The following BAAT variants were observed in gnomAD, a reference collection of about 807,000 sequenced individuals.
BAAT encodes bile acid-CoA:amino acid N-acyltransferase.
A neutral mutation model predicts 18.9 loss-of-function variants in BAAT; 13 were observed. The observed-to-expected ratio is 0.69, with a 90% CI of 0.45 to 1.10. The LOEUF (loss-of-function observed/expected upper bound fraction) is 1.10. Among genes scored for constraint, BAAT ranks in the 50% least tolerant of loss-of-function variants. BAAT has a pLI of 0.00. For synonymous variants in BAAT, 170 were observed against 190.7 expected (o/e 0.89, Z 0.89); for missense variants, 489 against 504.0 (o/e 0.97, Z 0.28).
At chr9:101,374,463 T>G (rs1033451688) in intron 1 of BAAT, among the ~76,000 whole-genome samples, 3 of 152,192 alleles carry the variant, frequency 2.0e-5, no homozygotes, top group African/African-American at 7.2e-5. Context: ...GAACCAAGTT[T>G]CAGATATTTT....
chr9:101,384,723 G>C (rs1354121653), intron 1 of BAAT, among the ~76,000 whole-genome samples, 132 bp downstream of exon 1: 2 of 152,074 alleles, frequency 1.3e-5, no homozygotes, highest in African/African-American at 2.4e-5. Flanking sequence ...TGTATTTGCT[G>C]AACTAAAACT....
At chr9:101,380,806 T>G (rs994776497) in intron 1 of BAAT, among the ~76,000 whole-genome samples, 2 of 152,148 alleles carry the variant, frequency 1.3e-5, no homozygotes, top group Non-Finnish European at 2.9e-5. Context: ...CAGGCTGGAG[T>G]GCAGTGGTGC....
intron 1 of BAAT, among the ~76,000 whole-genome samples, chr9:101,379,424 T>A (rs1830097109): frequency 6.6e-6 from 1 of 152,218 alleles, no homozygotes; most frequent in African/African-American, 2.4e-5. Flanking sequence ...CTCAAGGCTT[T>A]AAAAAAATCT....
chr9:101,379,296 C>T (rs559857276), intron 1 of BAAT, among the ~76,000 whole-genome samples: 27 of 152,306 alleles, frequency 1.8e-4, no homozygotes, highest in African/African-American at 3.4e-4. Context: ...CCACCGCATC[C>T]GGCGAATGTC....
At chr9:101,382,112 G>A (rs1012465376) in intron 1 of BAAT, among the ~76,000 whole-genome samples, 2 of 152,136 alleles carry the variant, frequency 1.3e-5, no homozygotes, top group African/African-American at 2.4e-5. Flanking sequence ...GGCAGGAGAG[G>A]GTTGCCCCCA....
In BAAT at chr9:101,371,137, T is replaced by C; in HGVS notation, c.268A>G (p.Arg90Gly). The C allele has an allele frequency of 6.2e-7, 1 of 1,614,148 alleles. No homozygotes were observed. Among genetic ancestry groups the C allele is most frequent in the South Asian group, 1.1e-5 (1 of 91,082 alleles). ...TTCATCACATCTCTTTTCAACAGTC[T>C]TGTTAATAGCTTTTCAGGTTTCAGA... is the stretch of plus-strand genomic sequence containing the variant. ...WSLKPEKLLT[R>G]LLKRDVMNRP... Residue 90 changes from arginine to glycine, a missense_variant, in exon 2 of 4, where the codon AGA (arginine) becomes GGA (glycine). Coordinates refer to ENST00000259407, the MANE Select transcript of BAAT (RefSeq NM_001701.4).
intron 3 of BAAT, among the ~76,000 whole-genome samples, chr9:101,364,644 C>A (rs1362819352): frequency 1.3e-5 from 2 of 152,154 alleles, no homozygotes; most frequent in Admixed American, 1.3e-4. Context: ...AGTCATTCTT[C>A]ATTATTTTAA....
chr9:101,374,806 T>C (rs1008709582), intron 1 of BAAT, among the ~76,000 whole-genome samples: 3 of 152,180 alleles, frequency 2.0e-5, no homozygotes, highest in Admixed American at 6.5e-5. Flanking sequence ...TTCCCTGTTA[T>C]TGTCTCAGGG....
intron 3 of BAAT, among the ~76,000 whole-genome samples, chr9:101,366,489 GA>G (rs748426837): frequency 2.6e-5 from 4 of 152,028 alleles, no homozygotes; most frequent in East Asian, 1.9e-4. Flanking sequence ...AGAGTCTGGG[GA>G]AAAAAATCTG....
rs1045818587 is a variant in BAAT, at chr9:101,368,419, T to C, written c.467-97A>G. On this transcript the variant is annotated intron_variant, in intron 2 of 3. Coordinates refer to ENST00000259407, the MANE Select transcript of BAAT (RefSeq NM_001701.4). ...AGCAGAAATACAAATGATTAGATAATAAAAGATAAAATAAATAAATAAAAG... is the reference window on the plus strand; with the variant it reads ...AGCAGAAATACAAATGATTAGATAACAAAAGATAAAATAAATAAATAAAAG... The C allele has an allele frequency of 1.0e-5, 11 of 1,063,438 alleles. No individual in the cohort carries two copies. The Admixed American group carries it at 1.8e-4, about 17-fold the overall frequency. The allele number at this position is 1,063,438 out of a possible 1,614,324, so 65.9% of individuals were successfully genotyped here.
Position 101,361,387 on chromosome 9 carries a change from T to G in BAAT, c.*1041A>C, listed in dbSNP as rs41316534. 2,325 of 152,698 alleles carry G rather than the reference T, an allele frequency of 0.015. 36 individuals carry two copies. The highest frequency in any genetic ancestry group is 0.022 in the Non-Finnish European group (1,474 of 68,032). 9.5% of individuals were successfully genotyped at this position (152,698 alleles called of 1,614,324 possible). A position where few individuals can be genotyped will look rare whatever the true frequency, so the allele number is the denominator to read the frequency against. On this transcript the variant is annotated 3_prime_UTR_variant, in exon 4 of 4. Transcript: ENST00000259407. ...TGAGGACTATATGATCAAAGCCTTA[T>G]AGCAAAAAAAATTTTTTAATATTTG...
At chr9:101,384,495 G>A (rs1345768268) in intron 1 of BAAT, among the ~76,000 whole-genome samples, 1 of 152,166 alleles carries the variant, frequency 6.6e-6, no homozygotes, top group Non-Finnish European at 1.5e-5. Flanking sequence ...TCAGACTCAA[G>A]CCCTACTAAG....
chr9:101,361,698 AC>A lies in BAAT; in HGVS notation c.*729del. 6.5e-6 allele frequency: 1 copy of A among 152,688 alleles called. No homozygotes were observed. 9.5% of individuals were successfully genotyped at this position (152,688 alleles called of 1,614,324 possible). ...AGTTGTGTTTCTATTTTTATTTTTTACTTTTATTAATTTTATTTTTAATACA... is the reference window on the plus strand; with the variant it reads ...AGTTGTGTTTCTATTTTTATTTTTTATTTTATTAATTTTATTTTTAATACA... On this transcript the variant is annotated 3_prime_UTR_variant, in exon 4 of 4. Transcript: ENST00000259407.
At position 101,371,239 on chromosome 9, in the gene BAAT, C is replaced by T. The variant is rs766674160; in HGVS notation, c.166G>A (p.Gly56Ser). The change falls in exon 2 of 4, where the codon GGT becomes AGT. Residue 56 changes from glycine (G) to serine (S), a missense_variant. Physicochemically the swap from Gly to Ser is moderately conservative, Grantham distance 56 (BLOSUM62 0). Coordinates refer to ENST00000259407, the MANE Select transcript of BAAT (RefSeq NM_001701.4). Reference sequence around the variant, plus strand: ...GAAGCATGATTCAGGTCCACCTCACCGAATTCATTGGCCCTATAGTGGGCT... The same window carrying T: ...GAAGCATGATTCAGGTCCACCTCACTGAATTCATTGGCCCTATAGTGGGCT... The part of the protein sequence containing the change: ...SQAHYRANEF[G>S]EVDLNHASSL... 6.2e-6 allele frequency: 10 copies of T among 1,613,014 alleles called. No individual in the cohort carries two copies. The highest frequency in any genetic ancestry group is 5.3e-5 in the African/African-American group (4 of 74,866).
chr9:101,370,320 C>CG (rs1829910643), intron 2 of BAAT, among the ~76,000 whole-genome samples: 1 of 103,672 alleles, frequency 9.6e-6, no homozygotes, highest in South Asian at 3.5e-4. Flanking sequence ...ATGCATTATC[C>CG]TTTTTTTTTT....
At position 101,373,346 on chromosome 9, in the gene BAAT, G is replaced by A. The variant is rs560620664; in HGVS notation, c.-59-1883C>T. ...GATGAGTATCAAATAGCTGAGGAAA[G>A]ACTAGAATTTATTTTTAAATTCTGT... On this transcript the variant is annotated intron_variant, in intron 1 of 3. Transcript: ENST00000259407. 3.9e-5 allele frequency among the ~76,000 whole-genome samples: 6 copies of A among 152,286 alleles called. No homozygotes were observed. In the East Asian group the frequency reaches 1.2e-3, roughly 29 times the overall value.
rs1829937622 is a variant in BAAT at position 101,371,281 on chromosome 9, C to G, written c.124G>C (p.Asp42His). 10 of 1,613,102 alleles carry G rather than the reference C, an allele frequency of 6.2e-6. No homozygotes were observed. The highest frequency in any genetic ancestry group is 1.3e-5 in the African/African-American group (1 of 74,872). Reference sequence around the variant, plus strand: ...TAGTGGGCTTGAGAATAAAACATGTCTCCGTTTTCATCTTCCAGTGATGCC... The same window carrying G: ...TAGTGGGCTTGAGAATAAAACATGTGTCCGTTTTCATCTTCCAGTGATGCC... Reference protein sequence around the residue: ...FQASLEDENGDMFYSQAHYRA... With the variant: ...FQASLEDENGHMFYSQAHYRA... Residue 42 changes from aspartate to histidine, a missense_variant, in exon 2 of 4, where the codon GAC becomes CAC. Transcript: ENST00000259407.
intron 1 of BAAT, among the ~76,000 whole-genome samples, chr9:101,381,576 T>C (rs991636468): frequency 5.9e-5 from 9 of 152,074 alleles, no homozygotes; most frequent in African/African-American, 1.9e-4. Context: ...AGAAGACAGA[T>C]TGTCAAACTA....
At chr9:101,370,320 C>CCT (rs1829910643) in intron 2 of BAAT, among the ~76,000 whole-genome samples, 1 of 103,672 alleles carries the variant, frequency 9.6e-6, no homozygotes, top group East Asian at 2.5e-4. Flanking sequence ...ATGCATTATC[C>CCT]TTTTTTTTTT....
Sources: gnomAD v4.1 joint callset for allele counts (sites outside exome capture counted in the v4.1 genomes callset) on GRCh38, gnomAD v4.1.1 for gene constraint, MANE v1.5 for transcripts, NCBI Gene and HGNC (gene_info 2026-07-23, HGNC 2026-07-21) for gene names.